DNAH10: variants seen among roughly 807,000 people sequenced by gnomAD.
The protein encoded by DNAH10 is axonemal beta dynein heavy chain 10.
A neutral mutation model predicts 506.6 loss-of-function variants in DNAH10; 348 were observed. That is an observed-to-expected ratio of 0.69 (90% confidence interval 0.63 to 0.75). The LOEUF (loss-of-function observed/expected upper bound fraction) is 0.75. Ranked by LOEUF, DNAH10 falls within the 30% of genes least tolerant of loss-of-function variation. DNAH10 has a pLI of 0.00. For synonymous variants in DNAH10, 2,059 were observed against 2,198.6 expected, an observed-to-expected ratio of 0.94 and a Z score of 1.78; for missense variants, 5,179 against 5,787.1, an observed-to-expected ratio of 0.89 and a Z score of 3.41.
At chr12:123,790,758 A>G (rs550820021) in intron 11 of DNAH10, among the ~76,000 whole-genome samples, 2 of 152,328 alleles carry the variant, frequency 1.3e-5, no homozygotes, top group South Asian at 2.1e-4. Context: ...CAAAGAGGAC[A>G]GGAGTGAGGA....
chr12:123,833,575 C>CT (rs1960807588), intron 27 of DNAH10, among the ~76,000 whole-genome samples: 2 of 152,034 alleles, frequency 1.3e-5, no homozygotes, highest in Non-Finnish European at 2.9e-5. Flanking sequence ...TCCAAGATTC[C>CT]TAATTGCTTC....
At chr12:123,858,998 T>C (rs567511793) in intron 37 of DNAH10, among the ~76,000 whole-genome samples, 152 bp from the exon 38 acceptor site, 21 of 152,230 alleles carry the variant, frequency 1.4e-4, no homozygotes, top group South Asian at 1.2e-3. Flanking sequence ...AAATTGCTCA[T>C]GGGGATGGTT....
intron 12 of DNAH10, among the ~76,000 whole-genome samples, chr12:123,796,064 A>G (rs914129117): frequency 6.6e-6 from 1 of 152,318 alleles, no homozygotes; most frequent in Non-Finnish European, 1.5e-5. Flanking sequence ...TCATGTCTAG[A>G]ACAGATTTCC....
In DNAH10 at chr12:123,877,776, C is replaced by T. The variant is rs750097749; in HGVS notation, c.8240C>T (p.Thr2747Ile). ...ESIVAVSGKLTFCTLALYKNI... is the reference protein window; with the variant it reads ...ESIVAVSGKLIFCTLALYKNI... Reference sequence around the variant, plus strand: ...ATTGTGGCTGTGAGTGGCAAGCTGACATTCTGCACGCTAGCACTTTACAAA... The same window carrying T: ...ATTGTGGCTGTGAGTGGCAAGCTGATATTCTGCACGCTAGCACTTTACAAA... The change falls in exon 48 of 79, where the codon ACA becomes ATA. Residue 2747 changes from threonine to isoleucine, a missense_variant. Around this residue, in one of 3 missense-constraint regions of DNAH10, gnomAD observed 4,844 missense variants for 5,430.5 expected, o/e 0.89. Transcript: ENST00000673944. 1 of 1,613,796 alleles carries T rather than the reference C, an allele frequency of 6.2e-7. No homozygotes were observed. Among genetic ancestry groups the T allele is most frequent in the Non-Finnish European group, 8.5e-7 (1 of 1,179,826 alleles).
Position 123,917,789 on chromosome 12 carries a change from G to A in DNAH10, c.11208G>A (p.Glu3736=). ...LDNVDLVHTL[E]ETKSKATEVS... ...ATGTGGACCTGGTGCACACCCTGGA[G>A]GAGACCAAATCCAAGGCAACAGAGG... Residue 3736 remains glutamate, a synonymous_variant, in exon 64 of 79, where the codon GAG becomes GAA. Coordinates refer to ENST00000673944, the MANE Select transcript of DNAH10 (RefSeq NM_001372106.1). This position sits in a 1 kb window ranked among gnomAD's most constrained non-coding sequence, Gnocchi z 5.6. 3 of 1,575,092 alleles carry A rather than the reference G, an allele frequency of 1.9e-6. No individual in the cohort carries two copies. The highest frequency in any genetic ancestry group is 2.6e-6 in the Non-Finnish European group (3 of 1,160,706).
chr12:123,891,713 C>T lies in DNAH10; in HGVS notation c.8996-1520C>T, dbSNP rs144226630. Reference sequence around the variant, plus strand: ...TCCCTGCCAAGGGAGGGATCCCTCTCCCTTGTTGAATATCCCCAAGACCAT... The same window carrying T: ...TCCCTGCCAAGGGAGGGATCCCTCTTCCTTGTTGAATATCCCCAAGACCAT... On this transcript the variant is annotated intron_variant, in intron 52 of 78. Transcript: ENST00000673944. 1.9e-3 allele frequency among the ~76,000 whole-genome samples: 286 copies of T among 152,246 alleles called. 3 individuals are homozygous for T. The highest frequency in any genetic ancestry group is 6.4e-3 in the African/African-American group (267 of 41,550).
Position 123,926,146 on chromosome 12 carries a change from G to T in DNAH10, c.11922-491G>T, listed in dbSNP as rs1954930417. The T allele has an allele frequency of 1.3e-5, 2 of 151,706 alleles. No individual in the cohort carries two copies. The highest frequency in any genetic ancestry group is 4.2e-4 in the South Asian group (2 of 4,802). The allele number at this position is 151,706 out of a possible 1,614,324, so 9.4% of individuals were successfully genotyped here. On this transcript the variant is annotated intron_variant, in intron 68 of 78. Transcript: ENST00000673944. The surrounding 1 kb of genome is among the most constrained non-coding windows in gnomAD (Gnocchi z 4.1). ...CTAAGGAAGCTGAGGTGGGAGGATT[G>T]CTTGAGCCCAAGAGTTTGAGGCTGC...
At position 123,916,776 on chromosome 12, in the gene DNAH10, T is replaced by A; in HGVS notation, c.11002+40T>A. ...AACCTCCACTGCTAATTCAGATGGT[T>A]ATGAGGGAGACCGCAACCTCAGATC... On this transcript the variant is annotated intron_variant, in intron 63 of 78. Coordinates refer to ENST00000673944, the MANE Select transcript of DNAH10 (RefSeq NM_001372106.1). The surrounding 1 kb of genome is among the most constrained non-coding windows in gnomAD (Gnocchi z 4.6). 6.4e-7 allele frequency: 1 copy of A among 1,560,990 alleles called. No homozygotes were observed. Among genetic ancestry groups the A allele is most frequent in the Non-Finnish European group, 8.6e-7 (1 of 1,156,606 alleles).
intron 57 of DNAH10, among the ~76,000 whole-genome samples, chr12:123,908,145 CT>C (rs1953883951): frequency 4.1e-5 from 6 of 147,758 alleles, no homozygotes; most frequent in African/African-American, 7.8e-5. Context: ...GTCTCTCTGT[CT>C]CCTCCCTGTC....
At position 123,765,564 on chromosome 12, in the gene DNAH10, T is replaced by TCTATCTATCTATCTATC. The variant is rs1555302003; in HGVS notation, c.215-2042_215-2041insCTATCTATCTATCTATC. ...ACCTTCCTATGCATCTATCTATACT[T>TCTATCTATCTATCTATC]TATCTATCTATCTATCTATCTATCT... On this transcript the variant is annotated intron_variant, in intron 1 of 78. Coordinates refer to ENST00000673944, the MANE Select transcript of DNAH10 (RefSeq NM_001372106.1). Among the ~76,000 whole-genome samples, 246 of 149,410 alleles carry TCTATCTATCTATCTATC rather than the reference T, an allele frequency of 1.6e-3. 1 individual carries two copies. The highest frequency in any genetic ancestry group is 4.7e-3 in the African/African-American group (188 of 40,342).
intron 4 of DNAH10, 65 bp downstream of exon 4, chr12:123,773,007 A>C (rs1196725846): frequency 1.1e-5 from 12 of 1,083,638 alleles, no homozygotes; most frequent in Non-Finnish European, 1.6e-5. Flanking sequence ...GCACTTGTTC[A>C]CTCTCATTCT....
At chr12:123,795,368 GT>G (rs768178759) in intron 12 of DNAH10, among the ~76,000 whole-genome samples, 11 of 152,106 alleles carry the variant, frequency 7.2e-5, no homozygotes, top group Non-Finnish European at 1.6e-4. Context: ...GAGGTCAGAA[GT>G]TTGCCACGGG....
At chr12:123,810,994 T>C (rs1408902710) in intron 19 of DNAH10, among the ~76,000 whole-genome samples, 1 of 152,230 alleles carries the variant, frequency 6.6e-6, no homozygotes, top group Admixed American at 6.5e-5. Context: ...TTTTTTCTTT[T>C]AAATGAAAAT....
rs766194164 is a variant in DNAH10 at position 123,930,567 on chromosome 12, T to A, written c.12778T>A (p.Phe4260Ile). The A allele has an allele frequency of 6.2e-7, 1 of 1,605,356 alleles. No homozygotes were observed. ...KIPVGDEKEK[F>I]VEAIEALPLA... ...CCCTGTTGGTGATGAAAAGGAGAAA[T>A]TTGTTGGTGAGATTTCTCAGACATG... The change falls in exon 73 of 79, where the codon TTT (phenylalanine) becomes ATT (isoleucine). Residue 4260 changes from phenylalanine to isoleucine, a missense_variant. By Grantham distance (21) the Phe-to-Ile change is conservative. Around this residue, in one of 3 missense-constraint regions of DNAH10, gnomAD observed 4,844 missense variants for 5,430.5 expected, o/e 0.89. Transcript: ENST00000673944.
intron 39 of DNAH10, 88 bp from the exon 40 acceptor site, chr12:123,864,507 A>T: frequency 6.7e-7 from 1 of 1,500,646 alleles, no homozygotes; most frequent in African/African-American, 1.4e-5. Flanking sequence ...TGGGAAAAAG[A>T]CATTCAACAT....
intron 25 of DNAH10, among the ~76,000 whole-genome samples, chr12:123,828,090 T>G (rs1960170317): frequency 6.6e-6 from 1 of 152,076 alleles, no homozygotes; most frequent in Non-Finnish European, 1.5e-5. Flanking sequence ...AGTTTCTTTT[T>G]TATGGAAATG....
rs760768777 is a variant in DNAH10 at position 123,897,781 on chromosome 12, A to G, written c.9292A>G (p.Met3098Val). 4 of 1,607,458 alleles carry G rather than the reference A, an allele frequency of 2.5e-6. No individual in the cohort carries two copies. Among genetic ancestry groups the G allele is most frequent in the Admixed American group, 3.4e-5 (2 of 57,992 alleles). Residue 3098 changes from methionine to valine, a missense_variant, in exon 55 of 79, where the codon ATG (methionine) becomes GTG (valine). This residue lies in a region of DNAH10 where 4,844 missense variants were observed against 5,430.5 expected (regional missense o/e 0.89). Transcript: ENST00000673944. Reference protein sequence around the residue: ...VAKSFLGYNPMIPAENIENVV... With the variant: ...VAKSFLGYNPVIPAENIENVV... ...TCCTTCCTCTTCAGGGTATAATCCAATGATCCCGGCAGAAAATATAGAAAA... is the reference window on the plus strand; with the variant it reads ...TCCTTCCTCTTCAGGGTATAATCCAGTGATCCCGGCAGAAAATATAGAAAA...
At chr12:123,885,594 A>T (rs1350236539) in intron 51 of DNAH10, among the ~76,000 whole-genome samples, 1 of 152,156 alleles carries the variant, frequency 6.6e-6, no homozygotes, top group Non-Finnish European at 1.5e-5. Flanking sequence ...TTGGATCTAA[A>T]CTCATATGGA....
chr12:123,790,957 C>A (rs1046487596), intron 11 of DNAH10, among the ~76,000 whole-genome samples: 24 of 151,978 alleles, frequency 1.6e-4, no homozygotes, highest in African/African-American at 5.1e-4. Flanking sequence ...AGATGCCCAT[C>A]TCTACAAAAA....
Sources: allele counts gnomAD v4.1 joint callset (sites outside exome capture counted in the v4.1 genomes callset), GRCh38; gene constraint gnomAD v4.1.1; regional missense constraint gnomAD v4.1.1; non-coding constraint Gnocchi (gnomAD v3.1); transcripts MANE v1.5; gene names NCBI Gene and HGNC (gene_info 2026-07-23, HGNC 2026-07-21).